Variants in XCR1 observed in about 807,000 individuals in gnomAD.
XCR1 encodes X-C motif chemokine receptor 1, also known as chemokine XC receptor 1.
For missense variants in XCR1, 356 were observed against 424.2 expected, an observed-to-expected ratio of 0.84 and a Z score of 1.41; for synonymous variants, 187 against 188.5, an observed-to-expected ratio of 0.99 and a Z score of 0.06.
At chr3:46,045,339 G>T (rs1559486105) in intron 5 of XCR1, among the ~76,000 whole-genome samples, 3 of 152,036 alleles carry the variant, frequency 2.0e-5, no homozygotes, top group Admixed American at 1.3e-4. Flanking sequence ...AACTCAGGAG[G>T]CAGAGGTTGC....
intron 5 of XCR1, among the ~76,000 whole-genome samples, chr3:46,046,286 TAC>T (rs1249037708): frequency 6.6e-6 from 1 of 152,192 alleles, no homozygotes; most frequent in African/African-American, 2.4e-5. Context: ...CCCTGAGCTT[TAC>T]ACAGCCCTCC....
chr3:46,021,842 C>G lies in XCR1; in HGVS notation c.106G>C (p.Val36Leu). The change falls in exon 2 of 2, where the codon GTC becomes CTC. Residue 36 changes from valine to leucine, a missense_variant. Physicochemically the swap from Val to Leu is conservative, Grantham distance 32. Transcript: ENST00000309285. This position sits in a 1 kb window ranked among gnomAD's most constrained non-coding sequence, Gnocchi z 4.7. ...AGGAGAAACACCAGGCAGTATAGGA[C>G]AGTGGTGGCGAGGGTAGCAAAGACC... Reference protein sequence around the residue: ...AWVFATLATTVLYCLVFLLSL... With the variant: ...AWVFATLATTLLYCLVFLLSL... The G allele has an allele frequency of 1.9e-6, 3 of 1,614,104 alleles. No individual in the cohort carries two copies. Among genetic ancestry groups the G allele is most frequent in the Non-Finnish European group, 2.5e-6 (3 of 1,180,018 alleles).
At chr3:46,031,521 G>A (rs967940079), upstream of XCR1, among the ~76,000 whole-genome samples, 8 of 152,320 alleles carry the variant, frequency 5.3e-5, no homozygotes, top group South Asian at 6.2e-4. Flanking sequence ...GGAGGGGGGC[G>A]CTGAGGGCAG....
At chr3:46,051,001 A>T (rs971922177) in intron 5 of XCR1, among the ~76,000 whole-genome samples, 1 of 152,200 alleles carries the variant, frequency 6.6e-6, no homozygotes, top group African/African-American at 2.4e-5. Context: ...TTTTACCAAC[A>T]GATGAAGTTG....
intron 3 of XCR1, among the ~76,000 whole-genome samples, chr3:46,073,151 T>C (rs1698191024): frequency 1.3e-5 from 2 of 151,914 alleles, no homozygotes; most frequent in Non-Finnish European, 2.9e-5. Context: ...AATATAAGAC[T>C]CAAAACTATA....
At chr3:46,046,939 T>A (rs867183037) in intron 5 of XCR1, among the ~76,000 whole-genome samples, 2 of 152,240 alleles carry the variant, frequency 1.3e-5, no homozygotes, top group East Asian at 3.8e-4. Flanking sequence ...ATACTCACTT[T>A]GGTTATATTT....
intron 3 of XCR1, among the ~76,000 whole-genome samples, chr3:46,072,675 C>CA (rs1698182522): frequency 6.6e-6 from 1 of 152,036 alleles, no homozygotes; most frequent in South Asian, 2.1e-4. Flanking sequence ...TTAATATTGT[C>CA]AAAATGACCA....
rs532203822 is a variant in XCR1 at position 46,025,002 on chromosome 3, A to G, written c.-32+2415T>C. On this transcript the variant is annotated intron_variant, in intron 1 of 1. Transcript: ENST00000309285. ...ATTTTGCATTGATAATAATGAAAATACCACATATCAGAATTCATGAAATGC... is the reference window on the plus strand; with the variant it reads ...ATTTTGCATTGATAATAATGAAAATGCCACATATCAGAATTCATGAAATGC... Among the ~76,000 whole-genome samples, 7 of 152,346 alleles carry G rather than the reference A, an allele frequency of 4.6e-5. No homozygotes were observed. The South Asian group carries it at 1.4e-3, about 32-fold the overall frequency.
Position 46,021,519 on chromosome 3 carries a change from G to T in XCR1, c.429C>A (p.Leu143=). The T allele has an allele frequency of 1.2e-6, 2 of 1,612,562 alleles. No homozygotes were observed. Among genetic ancestry groups the T allele is most frequent in the Non-Finnish European group, 1.7e-6 (2 of 1,179,206 alleles). ...CCATGGTCACCAGCACCCGGCAGCG[G>T]AGGGTGGGGACGCGCAGGGTGGAGA... ...SPLSTLRVPT[L]RCRVLVTMAV... is the part of the protein sequence containing the mutation. Residue 143 remains leucine, a synonymous_variant, in exon 2 of 2, where the codon CTC becomes CTA. Coordinates refer to ENST00000309285, the MANE Select transcript of XCR1 (RefSeq NM_001024644.2). This position sits in a 1 kb window ranked among gnomAD's most constrained non-coding sequence, Gnocchi z 4.7.
chr3:46,046,500 G>A (rs34679077), intron 5 of XCR1, among the ~76,000 whole-genome samples: 13,717 of 152,290 alleles, frequency 0.09, 1,005 homozygotes, highest in South Asian at 0.34. Flanking sequence ...CTGCATTCAT[G>A]ATAAACAGTT....
chr3:46,021,238 C>G lies in XCR1; in HGVS notation c.710G>C (p.Ser237Thr). Residue 237 changes from serine (S) to threonine (T), a missense_variant, in exon 2 of 2, where the codon AGC becomes ACC. Ser to Thr is a moderately conservative substitution (Grantham distance 58). Transcript: ENST00000309285. The surrounding 1 kb of genome is among the most constrained non-coding windows in gnomAD (Gnocchi z 4.7). Reference sequence around the variant, plus strand: ...CAGGGTGAAGTTGTAGGGACCCCAGCTGAGGAAGTAGGCCACCACGATGGC... The same window carrying G: ...CAGGGTGAAGTTGTAGGGACCCCAGGTGAGGAAGTAGGCCACCACGATGGC... ...IFAIVVAYFL[S>T]WGPYNFTLFL... 1 of 1,614,192 alleles carries G rather than the reference C, an allele frequency of 6.2e-7. No homozygotes were observed. The highest frequency in any genetic ancestry group is 8.5e-7 in the Non-Finnish European group (1 of 1,180,034).
At chr3:46,054,303 C>A (rs980503628) in intron 4 of XCR1, among the ~76,000 whole-genome samples, 3 of 152,084 alleles carry the variant, frequency 2.0e-5, no homozygotes, top group Non-Finnish European at 4.4e-5. Context: ...CAGTAGATAA[C>A]CTCAAGGAGC....
At chr3:46,075,996 T>C (rs765313010) in intron 2 of XCR1, among the ~76,000 whole-genome samples, 3 of 152,204 alleles carry the variant, frequency 2.0e-5, no homozygotes, top group Non-Finnish European at 2.9e-5. Flanking sequence ...GAAAAGAGTA[T>C]AGCAGCCTCT....
intron 5 of XCR1, among the ~76,000 whole-genome samples, chr3:46,041,421 G>A (rs1275485350): frequency 6.6e-6 from 1 of 152,144 alleles, no homozygotes; most frequent in Non-Finnish European, 1.5e-5. Flanking sequence ...TGTCTTTGGT[G>A]GAACTGAGGG....
chr3:46,033,462 C>A (rs946346519), intron 5 of XCR1, among the ~76,000 whole-genome samples: 10 of 152,122 alleles, frequency 6.6e-5, no homozygotes, highest in Non-Finnish European at 1.3e-4. Flanking sequence ...ATTACCTATA[C>A]GTCTTTGACA....
intron 5 of XCR1, among the ~76,000 whole-genome samples, chr3:46,037,034 AGGGTTATGATATC>A (rs1481794315): frequency 6.6e-6 from 1 of 152,204 alleles, no homozygotes; most frequent in Non-Finnish European, 1.5e-5. Flanking sequence ...CAATTAAGGA[AGGGTTATGATATC>A]GGGAAATATA....
intron 3 of XCR1, among the ~76,000 whole-genome samples, chr3:46,068,762 C>T (rs903244579): frequency 6.8e-6 from 1 of 147,956 alleles, no homozygotes; most frequent in Non-Finnish European, 1.5e-5. Context: ...CTGTTAGCTG[C>T]GGGTGTCAAC....
At chr3:46,026,555 T>C (rs1242884012) in intron 1 of XCR1, among the ~76,000 whole-genome samples, 7 of 152,000 alleles carry the variant, frequency 4.6e-5, no homozygotes, top group Non-Finnish European at 1.5e-5. Flanking sequence ...CTACTCAAAG[T>C]ATGGTTCCCA....
intron 3 of XCR1, among the ~76,000 whole-genome samples, chr3:46,069,673 AG>A (rs1316196124): frequency 6.6e-6 from 1 of 152,216 alleles, no homozygotes; most frequent in Non-Finnish European, 1.5e-5. Context: ...GCTAGAGAAA[AG>A]AAAATATTAA....
Sources: allele counts gnomAD v4.1 joint callset (sites outside exome capture counted in the v4.1 genomes callset), GRCh38; gene constraint gnomAD v4.1.1; non-coding constraint Gnocchi (gnomAD v3.1); transcripts MANE v1.5; gene names NCBI Gene and HGNC (gene_info 2026-07-23, HGNC 2026-07-21).